Variants in SSX7 observed in about 807,000 individuals in gnomAD.
SSX7 encodes protein SSX7.
Under a neutral mutation model 14.7 loss-of-function variants are expected in SSX7, and 15 were observed. That is an observed-to-expected ratio of 1.02 (90% CI 0.68 to 1.58). SSX7 has a LOEUF of 1.58. Among genes scored for constraint, SSX7 ranks in the 40% most tolerant of loss-of-function variants. The probability of loss-of-function intolerance (pLI) is 0.00; values close to 1 mark genes in which losing one functional copy is unlikely to be tolerated. For synonymous variants in SSX7, 46 were observed against 50.6 expected, an observed-to-expected ratio of 0.91 and a Z score of 0.38; for missense variants, 178 against 146.8, an observed-to-expected ratio of 1.21 and a Z score of -1.10.
chrX:52,646,095 G>T (rs1337832891), intron 6 of SSX7, among the ~76,000 whole-genome samples: 3 of 109,803 alleles, frequency 2.7e-5, no homozygotes, highest in African/African-American at 6.6e-5. Flanking sequence ...ATGAAGTCTC[G>T]CTCTGTCGCC....
At chrX:52,649,525 A>G (rs1167354131) in intron 5 of SSX7, among the ~76,000 whole-genome samples, 4 of 111,852 alleles carry the variant, frequency 3.6e-5, no homozygotes, top group African/African-American at 1.3e-4. Context: ...TTTACCCTCT[A>G]AACCAGAGTT....
At chrX:52,650,914 G>C (rs1298718983) in intron 4 of SSX7, among the ~76,000 whole-genome samples, 1 of 112,266 alleles carries the variant, frequency 8.9e-6, no homozygotes, top group Non-Finnish European at 1.9e-5. Context: ...ATCTCTTACA[G>C]TGATCGTGGG....
intron 1 of SSX7, among the ~76,000 whole-genome samples, chrX:52,654,245 C>A (rs1925528673): frequency 9.2e-6 from 1 of 109,094 alleles, no homozygotes; most frequent in Admixed American, 1.0e-4. Flanking sequence ...ACTAAAACAA[C>A]AACAACAACA....
In SSX7 at chrX:52,648,279, T is replaced by A; in HGVS notation, c.448A>T (p.Lys150Ter). The A allele has an allele frequency of 4.1e-6, 5 of 1,211,034 alleles. No individual in the cohort carries two copies. The highest frequency in any genetic ancestry group is 5.6e-6 in the Non-Finnish European group (5 of 895,260). ...CTCTTACCGGATGTCTTGTTAATCT[T>A]CTCAGAGGTACTTGGTTTTCCTGGA... The part of the protein sequence containing the change: ...CPPGKPSTSE[K>*]INKTSGPKRG... The change falls in exon 6 of 8, where the codon AAG becomes TAG. Residue 150 changes from lysine (K) to a stop codon, truncating the protein, a stop_gained. Transcript: ENST00000298181. LOFTEE classifies it high-confidence loss of function.
chrX:52,644,893 A>G (rs782618449), intron 7 of SSX7, among the ~76,000 whole-genome samples: 2 of 111,425 alleles, frequency 1.8e-5, no homozygotes, highest in South Asian at 7.7e-4. Flanking sequence ...GGTGTGGCCC[A>G]CATACAGGGC....
chrX:52,645,377 C>A (rs1160456748), intron 7 of SSX7, 62 bp downstream of exon 7: 29 of 1,206,332 alleles, frequency 2.4e-5, no homozygotes, highest in Non-Finnish European at 2.9e-5. Flanking sequence ...GATGGGATAC[C>A]AGTATCATAA....
intron 4 of SSX7, 22 bp from the exon 5 acceptor site, chrX:52,650,424 T>A (rs1556766890): frequency 8.3e-7 from 1 of 1,201,594 alleles, no homozygotes; most frequent in Non-Finnish European, 1.1e-6. Flanking sequence ...TATATCAGAA[T>A]TTTTCTTTGT....
rs150287800 is a variant in SSX7, at chrX:52,649,428, T to A, written c.330+925A>T. ...TCCTCTCTGAGCTTGTAAACACTGTTTAAATGCAGTAATAATAACAATTAA... is the reference window on the plus strand; with the variant it reads ...TCCTCTCTGAGCTTGTAAACACTGTATAAATGCAGTAATAATAACAATTAA... On this transcript the variant is annotated intron_variant, in intron 5 of 7. Transcript: ENST00000298181. Among the ~76,000 whole-genome samples, 708 of 112,135 alleles carry A rather than the reference T, an allele frequency of 6.3e-3. 4 individuals are homozygous for A. The highest frequency in any genetic ancestry group is 0.022 in the African/African-American group (667 of 30,878).
At chrX:52,645,905 G>GT (rs1284943700) in intron 6 of SSX7, among the ~76,000 whole-genome samples, 59 of 108,023 alleles carry the variant, frequency 5.5e-4, no homozygotes, top group Non-Finnish European at 8.8e-4. Flanking sequence ...ATGCTGCAAT[G>GT]TTTTTTTTTG....
At chrX:52,649,912 A>G (rs782270836) in intron 5 of SSX7, among the ~76,000 whole-genome samples, 4 of 112,366 alleles carry the variant, frequency 3.6e-5, no homozygotes, top group African/African-American at 1.3e-4. Context: ...TCTATACCCC[A>G]ATAGCCTCAT....
At chrX:52,644,793 C>T in intron 7 of SSX7, 123 bp from the exon 8 acceptor site, 2 of 769,857 alleles carry the variant, frequency 2.6e-6, no homozygotes, top group Admixed American at 4.5e-5. Context: ...CCAGGACCTG[C>T]ACACGCCTTC....
At position 52,652,262 on chromosome X, in the gene SSX7, T is replaced by G. The variant is rs782631834; in HGVS notation, c.270A>C (p.Gln90His). Residue 90 changes from glutamine to histidine, a missense_variant, in exon 4 of 8, where the codon CAA becomes CAC. Transcript: ENST00000298181. ...TTCCCGTCTACTCACCCTGATTCCC[T>G]TGGTTACGGTCATTATCAAAATCAT... Reference protein sequence around the residue: ...QGNDFDNDRNQGNQVERPQMT... With the variant: ...QGNDFDNDRNHGNQVERPQMT... The G allele has an allele frequency of 1.7e-5, 20 of 1,202,439 alleles. No individual in the cohort carries two copies. The South Asian group carries it at 2.8e-4, about 17-fold the overall frequency.
Position 52,644,170 on chromosome X carries a change from G to T in SSX7, c.*505C>A. 1 of 132,695 alleles carries T rather than the reference G, an allele frequency of 7.5e-6. No individual in the cohort carries two copies. The highest frequency in any genetic ancestry group is 2.3e-4 in the East Asian group (1 of 4,429). The allele number at this position is 132,695 out of a possible 1,213,427, so 10.9% of individuals were successfully genotyped here. On this transcript the variant is annotated 3_prime_UTR_variant, in exon 8 of 8. Transcript: ENST00000298181. ...GAAGGGGGGCTTGACCAGGACTCAT[G>T]GCAATGGGGAAAAGCATATGGGAGA...
chrX:52,651,634 G>A (rs1556767009), intron 4 of SSX7, among the ~76,000 whole-genome samples: 1 of 111,353 alleles, frequency 9.0e-6, no homozygotes, highest in Non-Finnish European at 1.9e-5. Context: ...CAGCACTTTG[G>A]GAGGCTGAGG....
chrX:52,649,884 G>A (rs1278588513), intron 5 of SSX7, among the ~76,000 whole-genome samples: 10 of 112,159 alleles, frequency 8.9e-5, no homozygotes, highest in African/African-American at 2.9e-4. Context: ...CTGTGCCCCA[G>A]GAAAATTATT....
chrX:52,652,150 T>C, intron 4 of SSX7, 102 bp downstream of exon 4: 5 of 687,083 alleles, frequency 7.3e-6, no homozygotes, highest in Middle Eastern at 3.1e-4. Flanking sequence ...TCAGCCCTGA[T>C]GTGTATGAGG....
chrX:52,650,494 G>A (rs1428049629), intron 4 of SSX7, 92 bp from the exon 5 acceptor site: 2 of 962,996 alleles, frequency 2.1e-6, no homozygotes, highest in African/African-American at 3.8e-5. Context: ...GCAGCAGAGT[G>A]TTATGAGTCC....
Position 52,653,440 on chromosome X carries a change from A to G in SSX7, c.33T>C (p.Pro11=), listed in dbSNP as rs1157946140. 1.7e-6 allele frequency: 2 copies of G among 1,211,446 alleles called. No individual in the cohort carries two copies. The highest frequency in any genetic ancestry group is 3.0e-5 in the East Asian group (1 of 33,829). Residue 11 remains proline (P), a synonymous_variant, in exon 2 of 8, where the codon CCT becomes CCC. Coordinates refer to ENST00000298181, the MANE Select transcript of SSX7 (RefSeq NM_173358.2). ...TCTCTGGTATTTGAGCACCAGCCCT[A>G]GGTCTCCTTGCAAAGGCGTCGTCTC... MNGDDAFARR[P]RAGAQIPEKI... is the part of the protein sequence containing the mutation.
chrX:52,653,381 C>A (rs374240086), intron 2 of SSX7, 23 bp downstream of exon 2: 50 of 1,211,375 alleles, frequency 4.1e-5, no homozygotes, highest in Non-Finnish European at 5.5e-5. Context: ...GGCCACTACT[C>A]TGCTCCCTCC....
Sources: gnomAD v4.1 joint callset for allele counts (sites outside exome capture counted in the v4.1 genomes callset) on GRCh38, gnomAD v4.1.1 for gene constraint, MANE v1.5 for transcripts, NCBI Gene and HGNC (gene_info 2026-07-23, HGNC 2026-07-21) for gene names.